ST8SIA5: variants seen among roughly 807,000 people sequenced by gnomAD.
ST8SIA5 encodes the protein ST8 alpha-N-acetyl-neuraminide alpha-2,8-sialyltransferase 5, also known as alpha-2,8-sialyltransferase 8E.
Under a neutral mutation model 40.2 loss-of-function variants are expected in ST8SIA5, and 24 were observed. That is an observed-to-expected ratio of 0.60 (90% CI 0.43 to 0.84). The LOEUF (loss-of-function observed/expected upper bound fraction) is 0.84, where lower values mean the gene tolerates loss of function less well. Ranked by LOEUF, ST8SIA5 falls within the 40% of genes least tolerant of loss-of-function variation. ST8SIA5 has a pLI of 0.00. For synonymous variants in ST8SIA5, 198 were observed against 201.8 expected, an observed-to-expected ratio of 0.98 and a Z score of 0.16; for missense variants, 465 against 498.5, an observed-to-expected ratio of 0.93 and a Z score of 0.64.
intron 1 of ST8SIA5, among the ~76,000 whole-genome samples, chr18:46,732,737 C>T (rs747142115): frequency 3.3e-5 from 5 of 152,182 alleles, no homozygotes; most frequent in Non-Finnish European, 7.3e-5. Flanking sequence ...TTTCCCTCCT[C>T]CATTCCAGAA....
At chr18:46,741,806 T>G (rs2040088687) in intron 1 of ST8SIA5, among the ~76,000 whole-genome samples, 1 of 152,176 alleles carries the variant, frequency 6.6e-6, no homozygotes. Flanking sequence ...AATTAATATC[T>G]AAATACAATT....
chr18:46,745,781 C>G (rs2040133875), intron 1 of ST8SIA5, among the ~76,000 whole-genome samples: 1 of 152,144 alleles, frequency 6.6e-6, no homozygotes, highest in Non-Finnish European at 1.5e-5. Flanking sequence ...AATTTTAGAC[C>G]AATATCCCTG....
chr18:46,725,975 ATATATATATATATATATAT>A (rs2039918766), intron 1 of ST8SIA5, among the ~76,000 whole-genome samples: 1 of 27,152 alleles, frequency 3.7e-5, no homozygotes, highest in Non-Finnish European at 6.6e-5. Flanking sequence ...AAAAAAAAAT[ATATATATATATATATATAT>A]ATATATATAT....
At chr18:46,738,992 C>G (rs996927451) in intron 1 of ST8SIA5, among the ~76,000 whole-genome samples, 2 of 152,188 alleles carry the variant, frequency 1.3e-5, no homozygotes, top group Non-Finnish European at 2.9e-5. Flanking sequence ...GTCCTCTGTA[C>G]TTGAGGCAGG....
At chr18:46,688,718 G>A (rs2039472596) in intron 4 of ST8SIA5, 57 bp downstream of exon 4, 2 of 1,563,644 alleles carry the variant, frequency 1.3e-6, no homozygotes, top group Non-Finnish European at 1.7e-6. Context: ...GCCACGGAGG[G>A]CTACTGCTGG....
chr18:46,724,784 G>C (rs768375112), intron 1 of ST8SIA5, among the ~76,000 whole-genome samples: 8 of 152,046 alleles, frequency 5.3e-5, no homozygotes, highest in Admixed American at 6.6e-5. Flanking sequence ...GACCAGCCTA[G>C]CCAACATGGT....
At position 46,679,917 on chromosome 18, in the gene ST8SIA5, A is replaced by C; in HGVS notation, c.*125T>G. Reference sequence around the variant, plus strand: ...ACCCCAGGATCCAAGTACAGAGCTGAACAATGGAGGGAGAGACAGCCTGAA... The same window carrying C: ...ACCCCAGGATCCAAGTACAGAGCTGCACAATGGAGGGAGAGACAGCCTGAA... On this transcript the variant is annotated 3_prime_UTR_variant, in exon 7 of 7. Coordinates refer to ENST00000315087, the MANE Select transcript of ST8SIA5 (RefSeq NM_013305.6). 1.1e-6 allele frequency: 1 copy of C among 935,018 alleles called. No homozygotes were observed. Among genetic ancestry groups the C allele is most frequent in the South Asian group, 1.7e-5 (1 of 58,270 alleles). 57.9% of individuals were successfully genotyped at this position (935,018 alleles called of 1,614,324 possible).
At chr18:46,740,793 CT>C (rs1207682556) in intron 1 of ST8SIA5, among the ~76,000 whole-genome samples, 2 of 152,172 alleles carry the variant, frequency 1.3e-5, no homozygotes, top group Non-Finnish European at 2.9e-5. Context: ...AAAATAGCCC[CT>C]GGTAACAGTA....
intron 1 of ST8SIA5, among the ~76,000 whole-genome samples, chr18:46,742,498 A>C (rs570171497): frequency 6.6e-6 from 1 of 152,352 alleles, no homozygotes; most frequent in South Asian, 2.1e-4. Context: ...ACACCAAAAA[A>C]GTGAAAAGAC....
intron 1 of ST8SIA5, among the ~76,000 whole-genome samples, chr18:46,716,691 G>T (rs563817523): frequency 1.3e-5 from 2 of 152,358 alleles, no homozygotes; most frequent in African/African-American, 4.8e-5. Context: ...AGGTGGTCTA[G>T]CCCAGTCCTC....
intron 1 of ST8SIA5, among the ~76,000 whole-genome samples, chr18:46,754,566 G>T (rs1030837010): frequency 2.6e-5 from 4 of 152,156 alleles, no homozygotes; most frequent in African/African-American, 9.7e-5. Context: ...TGGTTGATTG[G>T]GTTGAGTCTC....
rs1449276549 is a variant in ST8SIA5, at chr18:46,698,970, G to A, written c.224+5602C>T. 2.6e-5 allele frequency among the ~76,000 whole-genome samples: 4 copies of A among 152,156 alleles called. No homozygotes were observed. The East Asian group carries it at 7.7e-4, about 29-fold the overall frequency. ...GTTGATGGAGTCCTGGTGCCTCCCT[G>A]GCCTTCAGTGAACAATATCTACATC... On this transcript the variant is annotated intron_variant, in intron 2 of 6. Transcript: ENST00000315087.
rs1007101887 is a variant in ST8SIA5, at chr18:46,680,445, G to A, written c.728C>T (p.Ser243Leu). 6 of 1,610,510 alleles carry A rather than the reference G, an allele frequency of 3.7e-6. No homozygotes were observed. In the African/African-American group the frequency reaches 4.0e-5, roughly 11 times the overall value. ...GTTGTAGAAGGCAGGCAGCAGCACC[G>A]ACGCGTTCTCGTACACCTGCAGCAC... ...YRVLQVYENA[S>L]VLLPAFYNTR... Residue 243 changes from serine (S) to leucine (L), a missense_variant, in exon 7 of 7, where the codon TCG becomes TTG. Physicochemically the swap from Ser to Leu is moderately radical, Grantham distance 145. Coordinates refer to ENST00000315087, the MANE Select transcript of ST8SIA5 (RefSeq NM_013305.6).
chr18:46,756,652 T>A lies in ST8SIA5; in HGVS notation c.-144A>T. ...GGGGGACTTCGAGGGGCAAAGTTTC[T>A]GGTTGGCGCGGCCGGAGCTGGGGGC... On this transcript the variant is annotated 5_prime_UTR_variant, in exon 1 of 7. The change creates a premature stop within an existing upstream ORF in the 5' untranslated region. Transcript: ENST00000315087. The A allele has an allele frequency of 9.9e-7, 1 of 1,009,618 alleles. No homozygotes were observed. Among genetic ancestry groups the A allele is most frequent in the African/African-American group, 1.7e-5 (1 of 58,956 alleles). The allele number at this position is 1,009,618 out of a possible 1,614,324, so 62.5% of individuals were successfully genotyped here.
intron 1 of ST8SIA5, among the ~76,000 whole-genome samples, chr18:46,736,775 C>T (rs535154385): frequency 9.9e-5 from 15 of 151,950 alleles, no homozygotes; most frequent in African/African-American, 3.6e-4. Flanking sequence ...CTGGAGTGAG[C>T]GTGGATGCAT....
At chr18:46,695,476 T>C (rs1256037786) in intron 2 of ST8SIA5, among the ~76,000 whole-genome samples, 1 of 152,216 alleles carries the variant, frequency 6.6e-6, no homozygotes, top group Non-Finnish European at 1.5e-5. Flanking sequence ...GATGTAATAA[T>C]AGTCTCTTGC....
intron 1 of ST8SIA5, among the ~76,000 whole-genome samples, chr18:46,717,917 C>T (rs1013117750): frequency 5.9e-5 from 9 of 152,028 alleles, no homozygotes; most frequent in Non-Finnish European, 8.8e-5. Context: ...CAATTCAAAA[C>T]GGAAGATGCA....
intron 3 of ST8SIA5, chr18:46,691,463 AT>A (rs2039504754): frequency 6.6e-6 from 1 of 152,246 alleles, no homozygotes; most frequent in Non-Finnish European, 1.5e-5. Flanking sequence ...ATAGACACAA[AT>A]TGCCAGATTA....
intron 1 of ST8SIA5, among the ~76,000 whole-genome samples, chr18:46,745,175 T>C (rs374777905): frequency 3.3e-5 from 5 of 151,596 alleles, no homozygotes; most frequent in African/African-American, 9.7e-5. Flanking sequence ...CAAGAGCAAA[T>C]ACATTCAAAA....
Sources: gnomAD v4.1 joint callset for allele counts (sites outside exome capture counted in the v4.1 genomes callset) on GRCh38, gnomAD v4.1.1 for gene constraint, MANE v1.5 for transcripts, NCBI Gene and HGNC (gene_info 2026-07-23, HGNC 2026-07-21) for gene names.